The following FXN variants were observed in gnomAD, a reference collection of about 807,000 sequenced individuals.
FXN encodes the protein frataxin, also known as frataxin, mitochondrial.
In FXN, 14 loss-of-function variants were observed where a neutral mutation model predicts 22.4. The observed-to-expected ratio is 0.62, with a 90% confidence interval of 0.41 to 0.98. The LOEUF (loss-of-function observed/expected upper bound fraction) is 0.98. Ranked by LOEUF, FXN falls within the 50% of genes least tolerant of loss-of-function variation. The pLI is 0.00. For synonymous variants in FXN, 120 were observed against 114.1 expected (o/e 1.05, Z -0.33); for missense variants, 267 against 268.4 (o/e 0.99, Z 0.04).
rs770461831 is a variant in FXN at position 69,075,496 on chromosome 9, C to T, written c.*2734C>T. On this transcript the variant is annotated 3_prime_UTR_variant, in exon 5 of 5. Coordinates refer to ENST00000484259, the MANE Select transcript of FXN (RefSeq NM_000144.5). Reference sequence around the variant, plus strand: ...TAAATAAATAAAGGGACTTCAAACACATGAACAGCAGCCAGGGGAAGAATC... The same window carrying T: ...TAAATAAATAAAGGGACTTCAAACATATGAACAGCAGCCAGGGGAAGAATC... 2 of 983,910 alleles carry T rather than the reference C, an allele frequency of 2.0e-6. No homozygotes were observed. The highest frequency in any genetic ancestry group is 2.4e-6 in the Non-Finnish European group (2 of 829,148). 60.9% of individuals were successfully genotyped at this position (983,910 alleles called of 1,614,324 possible).
intron 1 of FXN, among the ~76,000 whole-genome samples, chr9:69,040,516 A>C (rs1259291965): frequency 1.3e-5 from 2 of 151,852 alleles, no homozygotes; most frequent in Non-Finnish European, 2.9e-5. Flanking sequence ...AAAATACAAA[A>C]AATTAGCCGG....
At chr9:69,063,038 A>T (rs979798736) in intron 3 of FXN, among the ~76,000 whole-genome samples, 6 of 152,124 alleles carry the variant, frequency 3.9e-5, no homozygotes, top group African/African-American at 1.4e-4. Context: ...TCTCTACAAA[A>T]GAAAAATGTT....
In FXN at chr9:69,078,584, C is replaced by G; in HGVS notation, c.*5822C>G. The G allele has an allele frequency of 3.0e-6, 3 of 985,686 alleles. No individual in the cohort carries two copies. Among genetic ancestry groups the G allele is most frequent in the Non-Finnish European group, 3.6e-6 (3 of 829,952 alleles). 61.1% of individuals were successfully genotyped at this position (985,686 alleles called of 1,614,324 possible). Reference sequence around the variant, plus strand: ...AATGTGCTTTTCTGACTGAACTGTTCAGGCACTGACTCTACATATAATTAT... The same window carrying G: ...AATGTGCTTTTCTGACTGAACTGTTGAGGCACTGACTCTACATATAATTAT... On this transcript the variant is annotated 3_prime_UTR_variant, in exon 5 of 5. Coordinates refer to ENST00000484259, the MANE Select transcript of FXN (RefSeq NM_000144.5).
chr9:69,077,139 C>T lies in FXN; in HGVS notation c.*4377C>T. ...ATCATGGCCAGGCTGGTCTTGAACT[C>T]CTGACCTAGTAATCCACCTGCCTCC... On this transcript the variant is annotated 3_prime_UTR_variant, in exon 5 of 5. Transcript: ENST00000484259. 4 of 666,750 alleles carry T rather than the reference C, an allele frequency of 6.0e-6. No individual in the cohort carries two copies. The highest frequency in any genetic ancestry group is 7.4e-6 in the Non-Finnish European group (4 of 539,422). 41.3% of individuals were successfully genotyped at this position (666,750 alleles called of 1,614,324 possible). A position where few individuals can be genotyped will look rare whatever the true frequency, so the allele number is the denominator to read the frequency against.
intron 3 of FXN, among the ~76,000 whole-genome samples, chr9:69,063,529 C>T (rs76901520): frequency 0.082 from 12,400 of 152,094 alleles, 773 homozygotes; most frequent in African/African-American, 0.17. Context: ...GCATTGCTGA[C>T]GTCTCCATCA....
intron 4 of FXN, among the ~76,000 whole-genome samples, chr9:69,068,091 A>T (rs1832205941): frequency 6.6e-6 from 1 of 152,202 alleles, no homozygotes; most frequent in Non-Finnish European, 1.5e-5. Context: ...GCTTCCCTGC[A>T]GCAGAAGGAA....
chr9:69,067,107 G>A (rs1242154358), intron 4 of FXN, among the ~76,000 whole-genome samples: 1 of 152,220 alleles, frequency 6.6e-6, no homozygotes, highest in Non-Finnish European at 1.5e-5. Context: ...GGGAAGTGGC[G>A]GCAAGACGGC....
rs147553992 is a variant in FXN at position 69,068,373 on chromosome 9, C to G, written c.482+3338C>G. ...AGAACATGGGGTGCCTCCCCTCCCC[C>G]CAGCCCAACAGAAGTTCTACAATGA... On this transcript the variant is annotated intron_variant, in intron 4 of 4. Coordinates refer to ENST00000484259, the MANE Select transcript of FXN (RefSeq NM_000144.5). 3.9e-3 allele frequency among the ~76,000 whole-genome samples: 588 copies of G among 152,356 alleles called. 8 individuals are homozygous for G. Among genetic ancestry groups the G allele is most frequent in the Middle Eastern group, 0.02 (6 of 294 alleles).
At chr9:69,071,093 A>G (rs530503975) in intron 4 of FXN, 56 of 464,614 alleles carry the variant, frequency 1.2e-4, no homozygotes, top group South Asian at 8.4e-4. Flanking sequence ...TTCTAGGGAC[A>G]CGTGGGCATC....
At chr9:69,066,878 A>C (rs1796428359) in intron 4 of FXN, among the ~76,000 whole-genome samples, 1 of 150,854 alleles carries the variant, frequency 6.6e-6, no homozygotes, top group South Asian at 2.1e-4. Flanking sequence ...AAATATATAT[A>C]TATATATGGG....
chr9:69,048,901 C>T (rs369007939), intron 2 of FXN, among the ~76,000 whole-genome samples: 1 of 152,320 alleles, frequency 6.6e-6, no homozygotes, highest in East Asian at 1.9e-4. Flanking sequence ...GGTGTCTGTT[C>T]ATTGACTTTG....
intron 3 of FXN, among the ~76,000 whole-genome samples, chr9:69,055,661 G>A (rs1396518613): frequency 4.0e-5 from 6 of 151,490 alleles, no homozygotes; most frequent in Non-Finnish European, 5.9e-5. Context: ...ACAGGGCTAA[G>A]TTTTGTATTT....
rs1010145068 is a variant in FXN at position 69,075,606 on chromosome 9, T to G, written c.*2844T>G. ...CACCACAGACCCTGGGAGCATCGCC[T>G]CATTTATGGTGTGGTCCAGTCATCC... is the stretch of plus-strand genomic sequence containing the variant. On this transcript the variant is annotated 3_prime_UTR_variant, in exon 5 of 5. Coordinates refer to ENST00000484259, the MANE Select transcript of FXN (RefSeq NM_000144.5). 89 of 985,196 alleles carry G rather than the reference T, an allele frequency of 9.0e-5. No individual in the cohort carries two copies. The highest frequency in any genetic ancestry group is 1.0e-4 in the Non-Finnish European group (84 of 829,860). The allele number at this position is 985,196 out of a possible 1,614,324, so 61.0% of individuals were successfully genotyped here. A position where few individuals can be genotyped will look rare whatever the true frequency, so the allele number is the denominator to read the frequency against.
At position 69,072,745 on chromosome 9, in the gene FXN, T is replaced by A. The variant is rs1832297570; in HGVS notation, c.616T>A (p.Ser206Thr). The A allele has an allele frequency of 6.2e-7, 1 of 1,614,192 alleles. No homozygotes were observed. Among genetic ancestry groups the A allele is most frequent in the South Asian group, 1.1e-5 (1 of 91,082 alleles). Residue 206 changes from serine to threonine, a missense_variant, in exon 5 of 5, where the codon TCC (serine) becomes ACC (threonine). Physicochemically the swap from Ser to Thr is moderately conservative, Grantham distance 58. Coordinates refer to ENST00000484259, the MANE Select transcript of FXN (RefSeq NM_000144.5). ...TKLDLSSLAY[S>T]GKDA The stretch of plus-strand genomic sequence containing the variant: ...ACTGGACTTGTCTTCCTTGGCCTAT[T>A]CCGGAAAAGATGCTTGATGCCCAGC...
intron 1 of FXN, among the ~76,000 whole-genome samples, chr9:69,038,353 T>C (rs1477107280): frequency 6.6e-6 from 1 of 151,954 alleles, no homozygotes; most frequent in Admixed American, 6.6e-5. Context: ...TTCCCCACCC[T>C]TTTCTCCACC....
intron 1 of FXN, among the ~76,000 whole-genome samples, chr9:69,036,569 A>G (rs1646715870): frequency 6.6e-6 from 1 of 152,240 alleles, no homozygotes; most frequent in Non-Finnish European, 1.5e-5. Context: ...CCCACTCCGC[A>G]GAGCTGTGTG....
chr9:69,077,987 A>G lies in FXN; in HGVS notation c.*5225A>G. 1.0e-6 allele frequency: 1 copy of G among 985,232 alleles called. No homozygotes were observed. Among genetic ancestry groups the G allele is most frequent in the Non-Finnish European group, 1.2e-6 (1 of 829,746 alleles). The allele number at this position is 985,232 out of a possible 1,614,324, so 61.0% of individuals were successfully genotyped here. A position where few individuals can be genotyped will look rare whatever the true frequency, so the allele number is the denominator to read the frequency against. On this transcript the variant is annotated 3_prime_UTR_variant, in exon 5 of 5. Coordinates refer to ENST00000484259, the MANE Select transcript of FXN (RefSeq NM_000144.5). ...GTGTAAAGGTGGCTAAATTATATAG[A>G]AAAATAAGACAATATCATTTCCCAA...
At chr9:69,064,493 T>A (rs2133126430) in intron 3 of FXN, among the ~76,000 whole-genome samples, 1 of 152,342 alleles carries the variant, frequency 6.6e-6, no homozygotes, top group Non-Finnish European at 1.5e-5. Flanking sequence ...TTACTTCCTC[T>A]GTAATAGACT....
intron 3 of FXN, among the ~76,000 whole-genome samples, chr9:69,063,994 G>C (rs1298525602): frequency 6.6e-6 from 1 of 152,186 alleles, no homozygotes; most frequent in Non-Finnish European, 1.5e-5. Context: ...ATAGCTCTCT[G>C]TGTTTGCAAA....
Sources: gnomAD v4.1 joint callset for allele counts (sites outside exome capture counted in the v4.1 genomes callset) on GRCh38, gnomAD v4.1.1 for gene constraint, MANE v1.5 for transcripts, NCBI Gene and HGNC (gene_info 2026-07-23, HGNC 2026-07-21) for gene names.